ADAMTSL1: variants seen among roughly 807,000 people sequenced by gnomAD.
ADAMTSL1 encodes the protein ADAMTS-like protein 1.
A neutral mutation model predicts 201.8 loss-of-function variants in ADAMTSL1; 126 were observed. The ratio of observed to expected loss-of-function variants is 0.62; its 90% CI spans 0.54 to 0.72. The LOEUF is 0.72. Among genes scored for constraint, ADAMTSL1 ranks in the 30% least tolerant of loss-of-function variants. The probability of loss-of-function intolerance (pLI) is 0.00; values close to 1 mark genes in which losing one functional copy is unlikely to be tolerated. For synonymous variants in ADAMTSL1, 1,121 were observed against 903.4 expected (o/e 1.24, Z -4.32); for missense variants, 2,679 against 2,277.8 (o/e 1.18, Z -3.59).
intron 23 of ADAMTSL1, among the ~76,000 whole-genome samples, chr9:18,875,528 C>G (rs1048244487): frequency 6.6e-6 from 1 of 152,008 alleles, no homozygotes; most frequent in African/African-American, 2.4e-5. Context: ...CATTCAGGAG[C>G]AGGTTAATTA....
intron 4 of ADAMTSL1, among the ~76,000 whole-genome samples, chr9:18,579,168 A>T (rs1231143139): frequency 6.6e-6 from 1 of 150,928 alleles, no homozygotes; most frequent in Non-Finnish European, 1.5e-5. Flanking sequence ...TGCAGCCGTA[A>T]AAAATGATGA....
rs141877532 is a variant in ADAMTSL1 at position 18,170,160 on chromosome 9, C to T, written c.207+6179C>T. Among the ~76,000 whole-genome samples, 622 of 152,054 alleles carry T rather than the reference C, an allele frequency of 4.1e-3. 5 individuals carry two copies. Among genetic ancestry groups the T allele is most frequent in the African/African-American group, 7.1e-3 (296 of 41,526 alleles). ...CAATGTATTATGTCTCTACCAGTAA[C>T]GAACTATATACATAAAAAACCCTTT... On this transcript the variant is annotated intron_variant, in intron 2 of 29. Transcript: ENST00000680146.
At chr9:18,351,725 A>C (rs1377783443) in intron 2 of ADAMTSL1, among the ~76,000 whole-genome samples, 1 of 152,196 alleles carries the variant, frequency 6.6e-6, no homozygotes, top group Non-Finnish European at 1.5e-5. Flanking sequence ...GCTCAGTCAA[A>C]TCTTCTAATT....
intron 15 of ADAMTSL1, among the ~76,000 whole-genome samples, chr9:18,752,427 T>C (rs142039736): frequency 3.9e-5 from 6 of 152,354 alleles, no homozygotes; most frequent in Non-Finnish European, 7.3e-5. Context: ...TGTAAAATCT[T>C]TGTGCCTCAG....
chr9:18,567,119 A>G (rs1821955405), intron 3 of ADAMTSL1, among the ~76,000 whole-genome samples: 1 of 152,154 alleles, frequency 6.6e-6, no homozygotes, highest in Non-Finnish European at 1.5e-5. Flanking sequence ...TATTTTAAAA[A>G]GGCCTTCAGG....
At chr9:18,512,945 G>A (rs1050932835) in intron 2 of ADAMTSL1, among the ~76,000 whole-genome samples, 1 of 152,128 alleles carries the variant, frequency 6.6e-6, no homozygotes, top group Non-Finnish European at 1.5e-5. Flanking sequence ...AAAACTATGT[G>A]ATATTAAACA....
intron 1 of ADAMTSL1, among the ~76,000 whole-genome samples, chr9:18,479,750 T>C (rs1028286717): frequency 6.6e-6 from 1 of 152,064 alleles, no homozygotes; most frequent in Admixed American, 6.5e-5. Context: ...TAATTTGATC[T>C]CAATAAACGT....
intron 1 of ADAMTSL1, among the ~76,000 whole-genome samples, chr9:17,921,977 G>A (rs1313179971): frequency 1.3e-5 from 2 of 151,802 alleles, no homozygotes; most frequent in African/African-American, 2.4e-5. Context: ...ATTCATATTT[G>A]GAAACAGTTT....
At chr9:17,944,159 A>G (rs574459917) in intron 1 of ADAMTSL1, among the ~76,000 whole-genome samples, 4 of 152,064 alleles carry the variant, frequency 2.6e-5, no homozygotes, top group Non-Finnish European at 5.9e-5. Flanking sequence ...AATCATTCTT[A>G]TACACAAATA....
intron 2 of ADAMTSL1, among the ~76,000 whole-genome samples, chr9:18,345,530 A>G (rs1835676724): frequency 6.6e-6 from 1 of 152,206 alleles, no homozygotes; most frequent in African/African-American, 2.4e-5. Flanking sequence ...GAGAATTACT[A>G]TATTTTATAA....
At chr9:18,830,428 G>T (rs1170167728) in intron 23 of ADAMTSL1, among the ~76,000 whole-genome samples, 1 of 152,206 alleles carries the variant, frequency 6.6e-6, no homozygotes, top group African/African-American at 2.4e-5. Context: ...CCAAAAGGAA[G>T]ACTATACTAT....
At chr9:18,836,712 G>C (rs1335335896) in intron 23 of ADAMTSL1, among the ~76,000 whole-genome samples, 1 of 152,120 alleles carries the variant, frequency 6.6e-6, no homozygotes, top group Non-Finnish European at 1.5e-5. Flanking sequence ...TAATGATATT[G>C]GTTCTTCTAA....
intron 1 of ADAMTSL1, among the ~76,000 whole-genome samples, chr9:17,923,403 A>G (rs1177506547): frequency 1.4e-5 from 2 of 143,616 alleles, no homozygotes; most frequent in Admixed American, 7.1e-5. Context: ...CTTTGAAGCA[A>G]TTGTGAATGG....
intron 2 of ADAMTSL1, among the ~76,000 whole-genome samples, chr9:18,363,906 G>C (rs1836642605): frequency 6.8e-6 from 1 of 146,620 alleles, no homozygotes; most frequent in Admixed American, 7.1e-5. Context: ...AGGAGAAGCA[G>C]GATTAAGACC....
At chr9:18,640,628 G>C (rs1486735264) in intron 7 of ADAMTSL1, among the ~76,000 whole-genome samples, 1 of 151,980 alleles carries the variant, frequency 6.6e-6, no homozygotes, top group Non-Finnish European at 1.5e-5. Context: ...AGTTTAACTT[G>C]AGCCCCAGAA....
chr9:17,912,191 A>G (rs35620955), intron 1 of ADAMTSL1, among the ~76,000 whole-genome samples: 53,742 of 59,342 alleles, frequency 0.91, 25,733 homozygotes, highest in East Asian at 1. Context: ...AGTCCTTTTG[A>G]TATATACCCA....
chr9:18,565,305 T>G (rs1220016396), intron 3 of ADAMTSL1, among the ~76,000 whole-genome samples: 1 of 152,208 alleles, frequency 6.6e-6, no homozygotes, highest in East Asian at 1.9e-4. Flanking sequence ...CATATTATTT[T>G]CAAGGTCATA....
chr9:18,248,001 C>G (rs982339777), intron 2 of ADAMTSL1, among the ~76,000 whole-genome samples: 1 of 152,072 alleles, frequency 6.6e-6, no homozygotes, highest in Non-Finnish European at 1.5e-5. Flanking sequence ...GGAAGACATT[C>G]CAAAGTTGCT....
Position 18,018,502 on chromosome 9 carries a change from A to T in ADAMTSL1, c.87+111580A>T, listed in dbSNP as rs370437220. ...GGCTATGGAATGTCACCAAGATTAGATTATAAAAGGCTGTGGTTTTCTTCT... is the reference window on the plus strand; with the variant it reads ...GGCTATGGAATGTCACCAAGATTAGTTTATAAAAGGCTGTGGTTTTCTTCT... On this transcript the variant is annotated intron_variant, in intron 1 of 29. Coordinates refer to the ADAMTSL1 transcript ENST00000680146. 1.5e-3 allele frequency among the ~76,000 whole-genome samples: 234 copies of T among 152,186 alleles called. 7 individuals carry two copies. In the South Asian group the frequency reaches 0.048, roughly 31 times the overall value.
Sources: allele counts gnomAD v4.1 joint callset (sites outside exome capture counted in the v4.1 genomes callset), GRCh38; gene constraint gnomAD v4.1.1; transcripts MANE v1.5; gene names NCBI Gene and HGNC (gene_info 2026-07-23, HGNC 2026-07-21).